Variants in GSK3B observed in about 807,000 individuals in gnomAD.
The protein encoded by GSK3B is glycogen synthase kinase 3 beta.
A neutral mutation model predicts 56.4 loss-of-function variants in GSK3B; 15 were observed. The observed-to-expected ratio is 0.27, with a 90% CI of 0.18 to 0.41. GSK3B has a LOEUF of 0.41. Among genes scored for constraint, GSK3B ranks in the 10% least tolerant of loss-of-function variants. The pLI is 1.00. For synonymous variants in GSK3B, 181 were observed against 188.9 expected (o/e 0.96, Z 0.34); for missense variants, 300 against 513.4 (o/e 0.58, Z 4.02).
chr3:120,093,476 T>C lies in GSK3B; in HGVS notation c.-42A>G, dbSNP rs772269057. Reference sequence around the variant, plus strand: ...AATCACCTTTTCCTTCCTTCCTCCTTTTCTTCCTTTTGTCTTTATGTTGGG... The same window carrying C: ...AATCACCTTTTCCTTCCTTCCTCCTCTTCTTCCTTTTGTCTTTATGTTGGG... On this transcript the variant is annotated 5_prime_UTR_variant, in exon 1 of 11. Coordinates refer to ENST00000264235, the MANE Select transcript of GSK3B (RefSeq NM_001146156.2). 7 of 1,291,432 alleles carry C rather than the reference T, an allele frequency of 5.4e-6. No homozygotes were observed. Among genetic ancestry groups the C allele is most frequent in the African/African-American group, 4.4e-5 (3 of 68,718 alleles). The allele number at this position is 1,291,432 out of a possible 1,614,324, so 80.0% of individuals were successfully genotyped here.
chr3:120,001,940 G>A (rs776974284), intron 2 of GSK3B, 106 bp downstream of exon 2: 16 of 670,544 alleles, frequency 2.4e-5, no homozygotes, highest in African/African-American at 9.3e-5. Flanking sequence ...ACAAAAATGC[G>A]CACAATAGAA....
intron 9 of GSK3B, among the ~76,000 whole-genome samples, chr3:119,860,199 A>G (rs1259296323): frequency 6.6e-6 from 1 of 152,200 alleles, no homozygotes; most frequent in African/African-American, 2.4e-5. Context: ...TGGAATAGGC[A>G]ACAAATTAGT....
intron 7 of GSK3B, among the ~76,000 whole-genome samples, chr3:119,900,939 TCA>T (rs1227671026): frequency 6.6e-6 from 1 of 152,170 alleles, no homozygotes; most frequent in African/African-American, 2.4e-5. Context: ...CTGTGCTTTC[TCA>T]GTCTTCTGCA....
chr3:120,053,346 A>T (rs2058166375), intron 1 of GSK3B, among the ~76,000 whole-genome samples: 1 of 152,188 alleles, frequency 6.6e-6, no homozygotes, highest in Admixed American at 6.5e-5. Context: ...CAAAAGAAAA[A>T]GAAAACTACA....
At chr3:119,911,251 G>A (rs2056732020) in intron 6 of GSK3B, among the ~76,000 whole-genome samples, 1 of 152,130 alleles carries the variant, frequency 6.6e-6, no homozygotes, top group Admixed American at 6.6e-5. Flanking sequence ...GTAATATTTT[G>A]AAAGAAATAC....
chr3:119,873,129 T>C (rs939490833), intron 8 of GSK3B, among the ~76,000 whole-genome samples: 1 of 152,170 alleles, frequency 6.6e-6, no homozygotes, highest in African/African-American at 2.4e-5. Flanking sequence ...GCTTTATTAA[T>C]GAATTATGTT....
intron 10 of GSK3B, among the ~76,000 whole-genome samples, chr3:119,830,191 G>A (rs879277303): frequency 7.2e-5 from 11 of 152,190 alleles, no homozygotes; most frequent in Admixed American, 2.6e-4. Context: ...AAGATGGACT[G>A]GCCCCTGGGC....
At chr3:120,057,325 C>T (rs756978714) in intron 1 of GSK3B, among the ~76,000 whole-genome samples, 4 of 152,058 alleles carry the variant, frequency 2.6e-5, no homozygotes, top group Non-Finnish European at 5.9e-5. Context: ...AGTAACGTGA[C>T]TAGGAACTTC....
At position 120,055,989 on chromosome 3, in the gene GSK3B, A is replaced by G. The variant is rs139265586; in HGVS notation, c.88+37358T>C. Among the ~76,000 whole-genome samples, 18 of 152,326 alleles carry G rather than the reference A, an allele frequency of 1.2e-4. No homozygotes were observed. In the East Asian group the frequency reaches 3.5e-3, roughly 29 times the overall value. On this transcript the variant is annotated intron_variant, in intron 1 of 10. Transcript: ENST00000264235. Reference sequence around the variant, plus strand: ...AAGCCAAAACCATTTTCATAATAACATCATTTGCCTTTTTAATTCTCATTC... The same window carrying G: ...AAGCCAAAACCATTTTCATAATAACGTCATTTGCCTTTTTAATTCTCATTC...
At chr3:119,868,990 T>C (rs899076468) in intron 8 of GSK3B, among the ~76,000 whole-genome samples, 8 of 152,158 alleles carry the variant, frequency 5.3e-5, no homozygotes, top group Admixed American at 6.5e-5. Context: ...TGCTCATATG[T>C]AGCACATAAT....
At chr3:119,963,732 A>C (rs1161833188) in intron 2 of GSK3B, among the ~76,000 whole-genome samples, 1 of 152,064 alleles carries the variant, frequency 6.6e-6, no homozygotes, top group African/African-American at 2.4e-5. Context: ...AAGTCAATGG[A>C]TCTTCAACAA....
chr3:120,092,351 G>A (rs1306357464), intron 1 of GSK3B, among the ~76,000 whole-genome samples: 2 of 152,092 alleles, frequency 1.3e-5, no homozygotes, highest in African/African-American at 4.8e-5. Flanking sequence ...AAAATGGAAA[G>A]GACTAAATCC....
chr3:119,886,622 T>C (rs2056439168), intron 7 of GSK3B, among the ~76,000 whole-genome samples: 1 of 152,038 alleles, frequency 6.6e-6, no homozygotes, highest in South Asian at 2.1e-4. Context: ...GGAATCAACC[T>C]AGATGCCCAT....
At chr3:120,081,352 T>C (rs1266481241) in intron 1 of GSK3B, among the ~76,000 whole-genome samples, 2 of 151,330 alleles carry the variant, frequency 1.3e-5, no homozygotes, top group East Asian at 3.9e-4. Context: ...ATAGAGACCA[T>C]CCTGGTCAAC....
chr3:119,863,980 TG>T (rs1223673832), intron 8 of GSK3B, among the ~76,000 whole-genome samples: 1 of 152,252 alleles, frequency 6.6e-6, no homozygotes, highest in Admixed American at 6.5e-5. Flanking sequence ...TCTTTTGCAT[TG>T]TTTTTTTAGC....
rs545094490 is a variant in GSK3B, at chr3:120,009,741, T to C, written c.89-7502A>G. 3.9e-5 allele frequency among the ~76,000 whole-genome samples: 6 copies of C among 152,154 alleles called. No homozygotes were observed. The South Asian group carries it at 8.3e-4, about 21-fold the overall frequency. ...CATTAGGAGAAATACCTAATGTAGA[T>C]GACGGGTTGATGGGTGCAGCAAACC... is the stretch of plus-strand genomic sequence containing the variant. On this transcript the variant is annotated intron_variant, in intron 1 of 10. Coordinates refer to ENST00000264235, the MANE Select transcript of GSK3B (RefSeq NM_001146156.2).
chr3:120,076,631 C>T (rs1351242883), intron 1 of GSK3B, among the ~76,000 whole-genome samples: 13 of 151,428 alleles, frequency 8.6e-5, no homozygotes, highest in Admixed American at 2.0e-4. Context: ...CTGGCTAACA[C>T]GGTGAAACCC....
chr3:119,842,076 G>GGA (rs1057238088), intron 10 of GSK3B, among the ~76,000 whole-genome samples: 3 of 152,028 alleles, frequency 2.0e-5, no homozygotes, highest in African/African-American at 7.2e-5. Context: ...TTAGCTTTTT[G>GGA]GAGAGAGAGA....
At chr3:119,840,672 T>C (rs937536082) in intron 10 of GSK3B, among the ~76,000 whole-genome samples, 2 of 152,210 alleles carry the variant, frequency 1.3e-5, no homozygotes, top group African/African-American at 2.4e-5. Context: ...TGAAGTATGT[T>C]TGGTGACATA....
Sources: allele counts gnomAD v4.1 joint callset (sites outside exome capture counted in the v4.1 genomes callset), GRCh38; gene constraint gnomAD v4.1.1; transcripts MANE v1.5; gene names NCBI Gene and HGNC (gene_info 2026-07-23, HGNC 2026-07-21).